The following FAM168A variants were observed in gnomAD, a reference collection of about 807,000 sequenced individuals.
FAM168A encodes the protein protein FAM168A.
A neutral mutation model predicts 28.5 loss-of-function variants in FAM168A; 3 were observed. The observed-to-expected ratio is 0.11, with a 90% CI of 0.05 to 0.27. FAM168A has a LOEUF of 0.27. Among genes scored for constraint, FAM168A ranks in the 10% least tolerant of loss-of-function variants. The probability of loss-of-function intolerance (pLI) is 1.00; values close to 1 mark genes in which losing one functional copy is unlikely to be tolerated. For missense variants in FAM168A, 222 were observed against 311.5 expected, an observed-to-expected ratio of 0.71 and a Z score of 2.16; for synonymous variants, 122 against 124.2, an observed-to-expected ratio of 0.98 and a Z score of 0.12.
intron 6 of FAM168A, among the ~76,000 whole-genome samples, chr11:73,409,219 T>C (rs532272932): frequency 7.2e-5 from 11 of 152,260 alleles, no homozygotes; most frequent in Non-Finnish European, 1.5e-4. Context: ...GAACATGCCA[T>C]GTTCATGTTC....
chr11:73,499,426 GA>G (rs1169822669), intron 1 of FAM168A, among the ~76,000 whole-genome samples: 44 of 152,124 alleles, frequency 2.9e-4, no homozygotes, highest in Middle Eastern at 3.4e-3. Flanking sequence ...AGAAATCAAT[GA>G]AAAAATGCTG....
intron 1 of FAM168A, among the ~76,000 whole-genome samples, chr11:73,574,029 CA>C (rs552781044): frequency 1.3e-5 from 2 of 151,206 alleles, no homozygotes; most frequent in Non-Finnish European, 2.9e-5. Context: ...GGAGGCGAGG[CA>C]GGGGGATCAC....
intron 2 of FAM168A, among the ~76,000 whole-genome samples, chr11:73,433,076 C>CTTTTTTTTTTTTTTTTTTTTTTTTTTT (rs34994742): frequency 2.5e-5 from 2 of 80,602 alleles, no homozygotes; most frequent in African/African-American, 1.4e-4. Context: ...CACGCCCCGC[C>CTTTTTTTTTTTTTTTTTTTTTTTTTTT]TTTTTTTTTT....
chr11:73,462,226 T>C (rs374268095), intron 2 of FAM168A, among the ~76,000 whole-genome samples: 1 of 152,218 alleles, frequency 6.6e-6, no homozygotes, highest in Admixed American at 6.5e-5. Flanking sequence ...AGTGTCCACA[T>C]ACCACTGCAT....
At chr11:73,468,239 A>C (rs1342697648) in intron 2 of FAM168A, among the ~76,000 whole-genome samples, 166 bp downstream of exon 2, 1 of 152,236 alleles carries the variant, frequency 6.6e-6, no homozygotes, top group Non-Finnish European at 1.5e-5. Flanking sequence ...AAACAACCAC[A>C]CAACAGGTTC....
At chr11:73,546,294 C>T (rs190804482) in intron 1 of FAM168A, among the ~76,000 whole-genome samples, 2 of 152,156 alleles carry the variant, frequency 1.3e-5, no homozygotes, top group Admixed American at 6.5e-5. Flanking sequence ...ATGTGGGGGG[C>T]GGGAAGTGGG....
At chr11:73,469,750 T>TTA (rs1360332694) in intron 1 of FAM168A, among the ~76,000 whole-genome samples, 3 of 151,938 alleles carry the variant, frequency 2.0e-5, no homozygotes, top group East Asian at 1.9e-4. Context: ...GTTAAAGGAG[T>TTA]TATATATATA....
chr11:73,458,467 A>G (rs146159647), intron 2 of FAM168A, among the ~76,000 whole-genome samples: 2 of 152,230 alleles, frequency 1.3e-5, no homozygotes, highest in African/African-American at 4.8e-5. Flanking sequence ...CATCACACAC[A>G]GTATCTGAGA....
At chr11:73,415,075 A>T (rs1293705742) in intron 4 of FAM168A, among the ~76,000 whole-genome samples, 2 of 152,260 alleles carry the variant, frequency 1.3e-5, no homozygotes, top group Admixed American at 1.3e-4. Context: ...AAGAGACTGC[A>T]GTAGAATTTG....
At chr11:73,473,788 T>C (rs538529926) in intron 1 of FAM168A, among the ~76,000 whole-genome samples, 12 of 152,074 alleles carry the variant, frequency 7.9e-5, no homozygotes, top group Non-Finnish European at 1.8e-4. Flanking sequence ...CTCCACATGC[T>C]GTTATTCTCT....
At chr11:73,445,490 T>C (rs1867295583) in intron 2 of FAM168A, among the ~76,000 whole-genome samples, 1 of 133,254 alleles carries the variant, frequency 7.5e-6, no homozygotes, top group Non-Finnish European at 1.6e-5. Context: ...GGCTGGTCTC[T>C]CCTGGCTTCA....
rs1867721330 is a variant in FAM168A, at chr11:73,465,511, G to A, written c.70+2894C>T. Among the ~76,000 whole-genome samples, 3 of 88,980 alleles carry A rather than the reference G, an allele frequency of 3.4e-5. No individual in the cohort carries two copies. In the South Asian group the frequency reaches 7.5e-4, roughly 22 times the overall value. The allele number at this position is 88,980 out of a possible 152,430, so 58.4% of individuals were successfully genotyped here. A position where few individuals can be genotyped will look rare whatever the true frequency, so the allele number is the denominator to read the frequency against. On this transcript the variant is annotated intron_variant, in intron 2 of 7. Transcript: ENST00000356467. ...TCATAACAAAATACCAGACTGGGTGGCTTAAACAACAGACATTTATTTCTC... is the reference window on the plus strand; with the variant it reads ...TCATAACAAAATACCAGACTGGGTGACTTAAACAACAGACATTTATTTCTC...
chr11:73,545,506 A>G (rs1253271324), intron 1 of FAM168A, among the ~76,000 whole-genome samples: 4 of 151,970 alleles, frequency 2.6e-5, no homozygotes, highest in Non-Finnish European at 5.9e-5. Context: ...AAATATTCTA[A>G]AACTGACTGT....
rs565284702 is a variant in FAM168A, at chr11:73,422,276, A to G, written c.152-2277T>C. 5.3e-5 allele frequency among the ~76,000 whole-genome samples: 8 copies of G among 152,368 alleles called. No homozygotes were observed. The South Asian group carries it at 1.7e-3, about 32-fold the overall frequency. ...TACTATGTCTTTTCCAACTGATGACATGAACTATACTGTATATTTTTCTGA... is the reference window on the plus strand; with the variant it reads ...TACTATGTCTTTTCCAACTGATGACGTGAACTATACTGTATATTTTTCTGA... On this transcript the variant is annotated intron_variant, in intron 3 of 7. Transcript: ENST00000356467.
At chr11:73,436,546 A>G (rs1259616919) in intron 2 of FAM168A, among the ~76,000 whole-genome samples, 2 of 152,170 alleles carry the variant, frequency 1.3e-5, no homozygotes, top group African/African-American at 4.8e-5. Context: ...TTATTCTCTC[A>G]AGATAATAAA....
rs888508552 is a variant in FAM168A, at chr11:73,594,400, G to GT, written c.-19+3522dup. Among the ~76,000 whole-genome samples, 5 of 151,530 alleles carry GT rather than the reference G, an allele frequency of 3.3e-5. No homozygotes were observed. The South Asian group carries it at 6.3e-4, about 19-fold the overall frequency. ...GGGCGTGAGCCACTATGCCTGGCCAGTTTTTTTGGTTTTTGAGGTTTTTTT... is the reference window on the plus strand; with the variant it reads ...GGGCGTGAGCCACTATGCCTGGCCAGTTTTTTTTGGTTTTTGAGGTTTTTTT... On this transcript the variant is annotated intron_variant, in intron 1 of 7. Transcript: ENST00000356467.
intron 1 of FAM168A, among the ~76,000 whole-genome samples, chr11:73,497,758 G>T (rs1332307374): frequency 2.0e-5 from 3 of 152,082 alleles, no homozygotes; most frequent in East Asian, 1.9e-4. Context: ...GTCGTTGGGT[G>T]GGGGGATGGG....
chr11:73,480,745 A>G (rs1030934012), intron 1 of FAM168A, among the ~76,000 whole-genome samples: 1 of 152,214 alleles, frequency 6.6e-6, no homozygotes, highest in Non-Finnish European at 1.5e-5. Flanking sequence ...CAAAAACAGA[A>G]GTTAAGTGAT....
intron 3 of FAM168A, among the ~76,000 whole-genome samples, chr11:73,421,561 C>T (rs563697249): frequency 7.9e-5 from 12 of 152,178 alleles, no homozygotes; most frequent in African/African-American, 2.9e-4. Context: ...GCTCTGCAGA[C>T]AATGCAGGAG....
Sources: gnomAD v4.1 joint callset for allele counts (sites outside exome capture counted in the v4.1 genomes callset) on GRCh38, gnomAD v4.1.1 for gene constraint, MANE v1.5 for transcripts, NCBI Gene and HGNC (gene_info 2026-07-23, HGNC 2026-07-21) for gene names.